TMEM181: variants seen among roughly 807,000 people sequenced by gnomAD.
TMEM181 encodes G protein-coupled receptor 178.
A neutral mutation model predicts 71.9 loss-of-function variants in TMEM181; 39 were observed. That is an observed-to-expected ratio of 0.54 (90% CI 0.42 to 0.71). The LOEUF (loss-of-function observed/expected upper bound fraction) is 0.71, where lower values mean the gene tolerates loss of function less well. Among genes scored for constraint, TMEM181 ranks in the 30% least tolerant of loss-of-function variants. The probability of loss-of-function intolerance (pLI) is 0.00; values close to 1 mark genes in which losing one functional copy is unlikely to be tolerated. For synonymous variants in TMEM181, 245 were observed against 228.8 expected (o/e 1.07, Z -0.64); for missense variants, 595 against 583.0 (o/e 1.02, Z -0.21).
rs913262940 is a variant in TMEM181 at position 158,608,585 on chromosome 6, A to G, written c.805-74A>G. ...AAGCCTGTCTGCAGGCCCATACTCA[A>G]TGGAAAAATCACGTTATGTACAATT... On this transcript the variant is annotated intron_variant, in intron 9 of 16. Coordinates refer to ENST00000684151, the MANE Select transcript of TMEM181 (RefSeq NM_001376852.1). 9.4e-6 allele frequency: 15 copies of G among 1,597,332 alleles called. No homozygotes were observed. The Admixed American group carries it at 1.2e-4, about 13-fold the overall frequency.
chr6:158,617,782 G>T (rs1785702606), intron 10 of TMEM181, among the ~76,000 whole-genome samples: 1 of 152,220 alleles, frequency 6.6e-6, no homozygotes, highest in South Asian at 2.1e-4. Flanking sequence ...ATGTAGTTGT[G>T]AGGTTTTGAG....
At chr6:158,542,868 G>GTTTTTTTT (rs61401561) in intron 1 of TMEM181, among the ~76,000 whole-genome samples, 13 of 73,500 alleles carry the variant, frequency 1.8e-4, no homozygotes, top group East Asian at 5.2e-4. Flanking sequence ...CTCCAGAGTG[G>GTTTTTTTT]TTTTTTTTTT....
intron 1 of TMEM181, among the ~76,000 whole-genome samples, chr6:158,551,509 G>C (rs1781723405): frequency 6.6e-6 from 1 of 152,140 alleles, no homozygotes; most frequent in Admixed American, 6.5e-5. Flanking sequence ...ACACAGGATA[G>C]CCAGGGTTAA....
rs1390776609 is a variant in TMEM181 at position 158,629,810 on chromosome 6, G to T, written c.1273G>T (p.Ala425Ser). 3 of 1,613,692 alleles carry T rather than the reference G, an allele frequency of 1.9e-6. No individual in the cohort carries two copies. Among genetic ancestry groups the T allele is most frequent in the Non-Finnish European group, 2.5e-6 (3 of 1,179,632 alleles). ...CTTTGTATATTCTCCATCGAAGAAT[G>T]CCCTCTATGGTAAGCCACCCTGGGG... ...LAFVYSPSKN[A>S]LYESQLKDNP... Residue 425 changes from alanine (A) to serine (S), a missense_variant, in exon 15 of 17, where the codon GCC becomes TCC. Coordinates refer to ENST00000684151, the MANE Select transcript of TMEM181 (RefSeq NM_001376852.1).
chr6:158,588,248 G>A (rs955429226), intron 5 of TMEM181, among the ~76,000 whole-genome samples: 3 of 152,256 alleles, frequency 2.0e-5, no homozygotes, highest in Non-Finnish European at 2.9e-5. Context: ...GCGGAGCACT[G>A]TGGGCTTCAG....
intron 1 of TMEM181, among the ~76,000 whole-genome samples, chr6:158,550,454 G>A (rs1055343620): frequency 6.6e-6 from 1 of 151,752 alleles, no homozygotes; most frequent in African/African-American, 2.4e-5. Flanking sequence ...TCAAGAGATC[G>A]AGACCATCCT....
chr6:158,559,929 C>T (rs992830014), upstream of TMEM181, among the ~76,000 whole-genome samples: 8 of 152,036 alleles, frequency 5.3e-5, no homozygotes, highest in East Asian at 1.4e-3. Context: ...CAGCTCAGGG[C>T]TAGCCTGGGT....
chr6:158,560,285 G>A (rs1782081449), intron 1 of TMEM181, 53 bp downstream of exon 1: 1 of 985,132 alleles, frequency 1.0e-6, no homozygotes, highest in Admixed American at 6.2e-5. Flanking sequence ...CACTCCGGCC[G>A]AAAGTTGGGG....
chr6:158,569,434 CT>C (rs1013464394), intron 1 of TMEM181, among the ~76,000 whole-genome samples: 7 of 152,152 alleles, frequency 4.6e-5, no homozygotes, highest in Admixed American at 3.9e-4. Context: ...TTTTCTCTGT[CT>C]TTTTTCCTTT....
chr6:158,560,286 A>T, intron 1 of TMEM181, 54 bp downstream of exon 1: 1 of 984,904 alleles, frequency 1.0e-6, no homozygotes, highest in Non-Finnish European at 1.2e-6. Context: ...ACTCCGGCCG[A>T]AAGTTGGGGA....
chr6:158,545,459 G>A (rs148266838), intron 1 of TMEM181, among the ~76,000 whole-genome samples: 1 of 152,264 alleles, frequency 6.6e-6, no homozygotes, highest in Non-Finnish European at 1.5e-5. Context: ...CTGATCGCCT[G>A]CCTCTGGGAG....
rs573442174 is a variant in TMEM181, at chr6:158,615,265, T to C, written c.896+6515T>C. ...GATGATGAGCATTTTTTCATGTGTC[T>C]TTTGGCTGCAGAAATGCCTTCTTTT... On this transcript the variant is annotated intron_variant, in intron 10 of 16. Coordinates refer to ENST00000684151, the MANE Select transcript of TMEM181 (RefSeq NM_001376852.1). 3.2e-3 allele frequency among the ~76,000 whole-genome samples: 492 copies of C among 152,368 alleles called. 1 individual carries two copies. Among genetic ancestry groups the C allele is most frequent in the African/African-American group, 0.011 (467 of 41,598 alleles).
At chr6:158,583,106 G>C (rs766224356) in intron 3 of TMEM181, among the ~76,000 whole-genome samples, 3 of 152,024 alleles carry the variant, frequency 2.0e-5, no homozygotes, top group Admixed American at 6.6e-5. Flanking sequence ...GGTGGCAGGT[G>C]CCTGTAATCC....
At chr6:158,545,588 G>A (rs1339205571) in intron 1 of TMEM181, among the ~76,000 whole-genome samples, 3 of 152,236 alleles carry the variant, frequency 2.0e-5, no homozygotes, top group Non-Finnish European at 4.4e-5. Context: ...TGCCTTCTGG[G>A]GCATGAAGGA....
intron 2 of TMEM181, among the ~76,000 whole-genome samples, chr6:158,579,523 C>G (rs899420665): frequency 7.2e-6 from 1 of 139,030 alleles, no homozygotes; most frequent in Non-Finnish European, 1.6e-5. Flanking sequence ...AGTTCAAGAC[C>G]AGCCTGGCCA....
At chr6:158,597,788 G>A (rs1351838105) in intron 6 of TMEM181, among the ~76,000 whole-genome samples, 1 of 152,124 alleles carries the variant, frequency 6.6e-6, no homozygotes, top group African/African-American at 2.4e-5. Context: ...TTACAGGTGT[G>A]AGCCACTGCA....
intron 11 of TMEM181, among the ~76,000 whole-genome samples, chr6:158,624,457 C>T (rs549043215): frequency 1.3e-5 from 2 of 152,330 alleles, no homozygotes; most frequent in East Asian, 3.9e-4. Flanking sequence ...CCGGAGCCAT[C>T]GAGGAGCGGG....
intron 13 of TMEM181, chr6:158,626,548 G>C: frequency 4.4e-6 from 2 of 456,540 alleles, no homozygotes; most frequent in Non-Finnish European, 8.8e-6. Context: ...TCCCCACCTT[G>C]TGGAGGGCGA....
chr6:158,624,192 G>A (rs1786134769), intron 11 of TMEM181, among the ~76,000 whole-genome samples: 1 of 152,222 alleles, frequency 6.6e-6, no homozygotes, highest in South Asian at 2.1e-4. Context: ...AACCAGCCAT[G>A]TGGGCTCTGG....
Sources: allele counts gnomAD v4.1 joint callset (sites outside exome capture counted in the v4.1 genomes callset), GRCh38; gene constraint gnomAD v4.1.1; transcripts MANE v1.5; gene names NCBI Gene and HGNC (gene_info 2026-07-23, HGNC 2026-07-21).